PLCB1: variants seen among roughly 807,000 people sequenced by gnomAD.
PLCB1 encodes 1-phosphatidylinositol 4,5-bisphosphate phosphodiesterase beta-1.
In PLCB1, 46 loss-of-function variants were observed where a neutral mutation model predicts 161.8. The ratio of observed to expected loss-of-function variants is 0.28; its 90% confidence interval spans 0.22 to 0.36. PLCB1 has a LOEUF of 0.36. Among genes scored for constraint, PLCB1 ranks in the 10% least tolerant of loss-of-function variants. PLCB1 has a pLI of 1.00. For missense variants in PLCB1, 1,016 were observed against 1,472.5 expected, an observed-to-expected ratio of 0.69 and a Z score of 5.07; for synonymous variants, 517 against 503.7, an observed-to-expected ratio of 1.03 and a Z score of -0.35.
At chr20:8,425,134 T>G (rs1246365548) in intron 3 of PLCB1, among the ~76,000 whole-genome samples, 5 of 151,170 alleles carry the variant, frequency 3.3e-5, no homozygotes, top group African/African-American at 4.9e-5. Flanking sequence ...TGAGGTGTTT[T>G]TTTTTTTTTT....
At chr20:8,163,746 A>G (rs1420711129) in intron 2 of PLCB1, among the ~76,000 whole-genome samples, 1 of 152,182 alleles carries the variant, frequency 6.6e-6, no homozygotes, top group African/African-American at 2.4e-5. Context: ...TGCTTTAGAC[A>G]GGGTGTGTGG....
chr20:8,361,734 A>C (rs1311550513), intron 2 of PLCB1, among the ~76,000 whole-genome samples: 3 of 152,198 alleles, frequency 2.0e-5, no homozygotes, highest in Admixed American at 2.0e-4. Context: ...AGCCACAGTG[A>C]AATAGGTGTA....
At chr20:8,479,993 G>C (rs1982432739) in intron 3 of PLCB1, among the ~76,000 whole-genome samples, 1 of 152,140 alleles carries the variant, frequency 6.6e-6, no homozygotes, top group Non-Finnish European at 1.5e-5. Flanking sequence ...GAACTATCTA[G>C]GTATCGGTTT....
At chr20:8,521,545 A>T (rs557972622) in intron 3 of PLCB1, among the ~76,000 whole-genome samples, 20 of 152,276 alleles carry the variant, frequency 1.3e-4, no homozygotes, top group South Asian at 4.1e-4. Flanking sequence ...CTCTATAAAA[A>T]GTAGCAAAAA....
chr20:8,272,033 T>C (rs1451657457), intron 2 of PLCB1, among the ~76,000 whole-genome samples: 1 of 152,106 alleles, frequency 6.6e-6, no homozygotes, highest in African/African-American at 2.4e-5. Flanking sequence ...TTTAGTATTA[T>C]GCATAGCATC....
intron 23 of PLCB1, 31 bp from the exon 24 acceptor site, chr20:8,757,015 G>C: frequency 6.4e-7 from 1 of 1,563,154 alleles, no homozygotes; most frequent in Non-Finnish European, 8.7e-7. Flanking sequence ...AAAAAGAAAT[G>C]TGGAAAATGA....
At chr20:8,644,095 T>C (rs1422993815) in intron 4 of PLCB1, among the ~76,000 whole-genome samples, 1 of 152,192 alleles carries the variant, frequency 6.6e-6, no homozygotes, top group Non-Finnish European at 1.5e-5. Context: ...GTTCACTCAG[T>C]GCTCAATGGT....
chr20:8,521,300 G>T (rs1984338714), intron 3 of PLCB1, among the ~76,000 whole-genome samples: 1 of 148,494 alleles, frequency 6.7e-6, no homozygotes, highest in Admixed American at 6.9e-5. Context: ...GAGTTCTGGA[G>T]ATTCATCTTA....
At chr20:8,531,309 GT>G (rs1984805350) in intron 3 of PLCB1, among the ~76,000 whole-genome samples, 1 of 152,050 alleles carries the variant, frequency 6.6e-6, no homozygotes. Flanking sequence ...ACTTACACAG[GT>G]CTCTAGAGAA....
intron 3 of PLCB1, among the ~76,000 whole-genome samples, chr20:8,547,876 C>A (rs1221134306): frequency 6.6e-6 from 1 of 152,222 alleles, no homozygotes; most frequent in Admixed American, 6.5e-5. Context: ...TAGCCCCACT[C>A]ACTTCTACAG....
intron 2 of PLCB1, among the ~76,000 whole-genome samples, chr20:8,195,774 G>T (rs1158993609): frequency 1.3e-5 from 2 of 152,016 alleles, no homozygotes; most frequent in South Asian, 2.1e-4. Context: ...AAAAGTATTG[G>T]TCAGTTACTT....
chr20:8,513,620 A>G (rs893442042), intron 3 of PLCB1, among the ~76,000 whole-genome samples: 2 of 152,212 alleles, frequency 1.3e-5, no homozygotes, highest in Non-Finnish European at 2.9e-5. Context: ...TTGCTATGAG[A>G]TATCACTGAA....
intron 3 of PLCB1, among the ~76,000 whole-genome samples, chr20:8,487,082 T>G (rs1982761468): frequency 6.6e-6 from 1 of 152,328 alleles, no homozygotes; most frequent in Middle Eastern, 3.4e-3. Flanking sequence ...CTATTTTCTT[T>G]TTGTATTACA....
In PLCB1 at chr20:8,186,793, A is replaced by C. The variant is rs534026694; in HGVS notation, c.177+36422A>C. ...AGACTGTGATGCACATTTGACCCTGAGTGAAGGAGAGAGGGAGACAAGGTT... is the reference window on the plus strand; with the variant it reads ...AGACTGTGATGCACATTTGACCCTGCGTGAAGGAGAGAGGGAGACAAGGTT... On this transcript the variant is annotated intron_variant, in intron 2 of 31. Coordinates refer to ENST00000338037, the MANE Select transcript of PLCB1 (RefSeq NM_015192.4). Among the ~76,000 whole-genome samples the C allele has an allele frequency of 2.0e-5, 3 of 152,260 alleles. No individual in the cohort carries two copies. The East Asian group carries it at 5.8e-4, about 29-fold the overall frequency.
intron 2 of PLCB1, among the ~76,000 whole-genome samples, chr20:8,169,920 A>G (rs1372597227): frequency 1.2e-4 from 18 of 152,152 alleles, no homozygotes; most frequent in Admixed American, 1.2e-3. Context: ...ATGAGACTGA[A>G]TTCTCGACCC....
chr20:8,338,208 A>G (rs1308395285), intron 2 of PLCB1, among the ~76,000 whole-genome samples: 3 of 152,182 alleles, frequency 2.0e-5, no homozygotes, highest in Non-Finnish European at 2.9e-5. Flanking sequence ...CATACTTCCA[A>G]AAATATAAAG....
intron 3 of PLCB1, among the ~76,000 whole-genome samples, chr20:8,424,552 T>C (rs1979668659): frequency 6.6e-6 from 1 of 152,098 alleles, no homozygotes; most frequent in South Asian, 2.1e-4. Context: ...TGACCTGCAT[T>C]CTGAGTTGTT....
chr20:8,816,930 C>T (rs1023073077), intron 31 of PLCB1, among the ~76,000 whole-genome samples: 2 of 152,114 alleles, frequency 1.3e-5, no homozygotes, highest in African/African-American at 4.8e-5. Context: ...TTCAAGTGCC[C>T]TTTCTATTTC....
At chr20:8,205,824 G>A (rs1342845371) in intron 2 of PLCB1, among the ~76,000 whole-genome samples, 1 of 152,074 alleles carries the variant, frequency 6.6e-6, no homozygotes, top group Non-Finnish European at 1.5e-5. Context: ...GGGTTGGATA[G>A]GATGACCACG....
Sources: allele counts gnomAD v4.1 joint callset (sites outside exome capture counted in the v4.1 genomes callset), GRCh38; gene constraint gnomAD v4.1.1; transcripts MANE v1.5; gene names NCBI Gene and HGNC (gene_info 2026-07-23, HGNC 2026-07-21).